The following PPP3CA variants were observed in gnomAD, a reference collection of about 807,000 sequenced individuals.
PPP3CA encodes CAM-PRP catalytic subunit.
PPP3CA carries 14 observed loss-of-function variants against 66.5 expected under a neutral mutation model. The observed-to-expected ratio is 0.21, with a 90% confidence interval of 0.14 to 0.33. The LOEUF (loss-of-function observed/expected upper bound fraction) is 0.33. Ranked by LOEUF, PPP3CA falls within the 10% of genes least tolerant of loss-of-function variation. PPP3CA has a pLI of 1.00. For missense variants in PPP3CA, 317 were observed against 639.5 expected, an observed-to-expected ratio of 0.50 and a Z score of 5.44; for synonymous variants, 232 against 226.2, an observed-to-expected ratio of 1.03 and a Z score of -0.23.
intron 10 of PPP3CA, among the ~76,000 whole-genome samples, chr4:101,053,454 G>T (rs149079656): frequency 2.3e-4 from 35 of 152,184 alleles, no homozygotes; most frequent in African/African-American, 5.3e-4. Flanking sequence ...AGCTTTAACA[G>T]TGCAGGCTAA....
rs533749761 is a variant in PPP3CA, at chr4:101,118,253, C to A, written c.260-9175G>T. ...ATAGTGCAATGGTTAGGAACTAAGA[C>A]TACGATGCCAGACTGCTTGGTTCCA... On this transcript the variant is annotated intron_variant, in intron 2 of 13. Coordinates refer to ENST00000394854, the MANE Select transcript of PPP3CA (RefSeq NM_000944.5). 2.4e-4 allele frequency among the ~76,000 whole-genome samples: 36 copies of A among 152,180 alleles called. No homozygotes were observed. In the South Asian group the frequency reaches 7.2e-3, roughly 31 times the overall value.
chr4:101,327,669 ATATGTATTATAAATGTTGGGCAT>A (rs373037400), intron 1 of PPP3CA, among the ~76,000 whole-genome samples: 1,945 of 152,294 alleles, frequency 0.013, 49 homozygotes, highest in African/African-American at 0.045. Context: ...AATTAGCTGT[ATATGTATTATAAATGTTGGGCAT>A]AATGACAACT....
chr4:101,060,617 A>G (rs1387413483), intron 10 of PPP3CA, among the ~76,000 whole-genome samples: 1 of 152,186 alleles, frequency 6.6e-6, no homozygotes, highest in Non-Finnish European at 1.5e-5. Context: ...TACAGAAAGA[A>G]GAAATATTGG....
intron 1 of PPP3CA, among the ~76,000 whole-genome samples, chr4:101,231,909 T>G (rs568678330): frequency 6.6e-6 from 1 of 151,774 alleles, no homozygotes; most frequent in South Asian, 2.1e-4. Flanking sequence ...CTCCCAATCA[T>G]AAGTATTCAT....
chr4:101,315,138 C>T (rs1366770177), intron 1 of PPP3CA, among the ~76,000 whole-genome samples: 6 of 152,074 alleles, frequency 3.9e-5, no homozygotes, highest in African/African-American at 7.2e-5. Context: ...ATGGGATTCA[C>T]GTCTTTAAAA....
intron 1 of PPP3CA, among the ~76,000 whole-genome samples, chr4:101,333,875 G>C (rs1729536295): frequency 1.3e-5 from 2 of 152,102 alleles, no homozygotes; most frequent in South Asian, 4.1e-4. Flanking sequence ...AACTTATACC[G>C]TGATTTCCTT....
At chr4:101,321,575 T>C (rs1214933730) in intron 1 of PPP3CA, among the ~76,000 whole-genome samples, 1 of 152,124 alleles carries the variant, frequency 6.6e-6, no homozygotes, top group African/African-American at 2.4e-5. Context: ...TAAATTTTCT[T>C]CCCCCAAAAG....
chr4:101,342,082 A>G (rs938625361), intron 1 of PPP3CA, among the ~76,000 whole-genome samples: 4 of 152,148 alleles, frequency 2.6e-5, no homozygotes, highest in Admixed American at 2.6e-4. Flanking sequence ...TCAAAATTAT[A>G]TTTCATCTCG....
At chr4:101,275,854 A>G (rs1163135476) in intron 1 of PPP3CA, among the ~76,000 whole-genome samples, 2 of 133,362 alleles carry the variant, frequency 1.5e-5, no homozygotes, top group Admixed American at 7.7e-5. Context: ...TTCTGTGTGT[A>G]TGTGTGGTTT....
intron 1 of PPP3CA, among the ~76,000 whole-genome samples, chr4:101,201,148 T>C (rs1036298084): frequency 2.6e-5 from 4 of 152,210 alleles, no homozygotes; most frequent in African/African-American, 9.6e-5. Flanking sequence ...AACTATTTCT[T>C]TTTACTTTTA....
intron 2 of PPP3CA, among the ~76,000 whole-genome samples, chr4:101,148,869 C>T (rs748523554): frequency 2.6e-5 from 4 of 152,096 alleles, no homozygotes; most frequent in Admixed American, 1.3e-4. Context: ...TCAGAATATC[C>T]TATTATCAGA....
rs1258334872 is a variant in PPP3CA, at chr4:101,346,770, G to C, written c.27C>G (p.Pro9=). MSEPKAID[P]KLSTTDRVVK... is the part of the protein sequence containing the mutation. ...CCACCCTGTCGGTCGTCGACAACTT[G>C]GGATCAATTGCCTTGGGCTCGGACA... Residue 9 remains proline, a synonymous_variant, in exon 1 of 14, where the codon CCC becomes CCG. Coordinates refer to ENST00000394854, the MANE Select transcript of PPP3CA (RefSeq NM_000944.5). 6.2e-6 allele frequency: 10 copies of C among 1,611,630 alleles called. No individual in the cohort carries two copies.
chr4:101,341,121 A>G (rs540209205), intron 1 of PPP3CA, among the ~76,000 whole-genome samples: 177 of 152,276 alleles, frequency 1.2e-3, no homozygotes, highest in Non-Finnish European at 1.8e-3. Flanking sequence ...TTACATAGTT[A>G]ATTATTTAGT....
At chr4:101,143,438 A>T (rs1300666804) in intron 2 of PPP3CA, among the ~76,000 whole-genome samples, 1 of 152,060 alleles carries the variant, frequency 6.6e-6, no homozygotes, top group Admixed American at 6.5e-5. Context: ...CTCCTCAGTC[A>T]AGCTACCTGA....
chr4:101,041,429 ATTTT>A (rs11296247), intron 10 of PPP3CA, among the ~76,000 whole-genome samples: 2 of 86,144 alleles, frequency 2.3e-5, no homozygotes, highest in Non-Finnish European at 2.2e-5. Context: ...TACCTCACAA[ATTTT>A]TTTTTTTTTT....
intron 1 of PPP3CA, among the ~76,000 whole-genome samples, chr4:101,308,753 C>T (rs1468675774): frequency 6.6e-6 from 1 of 152,064 alleles, no homozygotes; most frequent in Non-Finnish European, 1.5e-5. Flanking sequence ...AAGTGTTAGC[C>T]AAAATTCATT....
At position 101,080,596 on chromosome 4, in the gene PPP3CA, T is replaced by C; in HGVS notation, c.891A>G (p.Thr297=). ...GYRMYRKSQT[T]GFPSLITIFS... ...AAATTGTAATTAGAGAAGGGAAGCC[T>C]GTTGTTTGGCTTTTCCTGTACATGC... The change falls in exon 8 of 14, where the codon ACA becomes ACG. Residue 297 remains threonine, a synonymous_variant. Coordinates refer to ENST00000394854, the MANE Select transcript of PPP3CA (RefSeq NM_000944.5). 2 of 1,531,842 alleles carry C rather than the reference T, an allele frequency of 1.3e-6. No homozygotes were observed. Among genetic ancestry groups the C allele is most frequent in the South Asian group, 1.3e-5 (1 of 74,334 alleles). The allele number at this position is 1,531,842 out of a possible 1,614,324, so 94.9% of individuals were successfully genotyped here.
intron 3 of PPP3CA, chr4:101,108,063 G>A (rs982545217): frequency 2.6e-5 from 4 of 152,162 alleles, no homozygotes; most frequent in African/African-American, 9.7e-5. Context: ...TTTGAATGTA[G>A]TTTTACTTAC....
intron 10 of PPP3CA, among the ~76,000 whole-genome samples, chr4:101,054,905 T>A (rs549000611): frequency 2.0e-5 from 3 of 152,120 alleles, no homozygotes; most frequent in Admixed American, 1.3e-4. Flanking sequence ...TAAATTCTAA[T>A]TTAATATTAA....
Sources: allele counts gnomAD v4.1 joint callset (sites outside exome capture counted in the v4.1 genomes callset), GRCh38; gene constraint gnomAD v4.1.1; transcripts MANE v1.5; gene names NCBI Gene and HGNC (gene_info 2026-07-23, HGNC 2026-07-21).